Variants in GNLY observed in about 807,000 individuals in gnomAD.
GNLY encodes the protein T-cell activation protein 519.
Under a neutral mutation model 18.5 loss-of-function variants are expected in GNLY, and 15 were observed. The ratio of observed to expected loss-of-function variants is 0.81; its 90% confidence interval spans 0.54 to 1.25. The LOEUF is 1.25. Ranked by LOEUF, GNLY falls within the 50% of genes most tolerant of loss-of-function variation. The pLI is 0.00. For synonymous variants in GNLY, 77 were observed against 74.9 expected (o/e 1.03, Z -0.14); for missense variants, 178 against 186.9 (o/e 0.95, Z 0.28).
intron 2 of GNLY, among the ~76,000 whole-genome samples, chr2:85,695,646 G>A (rs1434780614): frequency 6.6e-6 from 1 of 152,204 alleles, no homozygotes; most frequent in Admixed American, 6.5e-5. Flanking sequence ...ACCCTCCAAG[G>A]AGCCTGGGGC....
chr2:85,694,499 G>C, intron 1 of GNLY, 29 bp downstream of exon 1: 1 of 1,607,220 alleles, frequency 6.2e-7, no homozygotes. Context: ...GATCGATCCT[G>C]ATGGCCCACC....
At chr2:85,694,735 C>G (rs1364282442) in intron 1 of GNLY, 1 of 1,436,854 alleles carries the variant, frequency 7.0e-7, no homozygotes, top group Non-Finnish European at 9.1e-7. Context: ...GGCCTGAGAC[C>G]CCCCTTTCCC....
intron 3 of GNLY, chr2:85,697,181 A>C: frequency 3.6e-6 from 1 of 280,758 alleles, no homozygotes; most frequent in Non-Finnish European, 6.9e-6. Flanking sequence ...CCAGGTAGCT[A>C]CATGGCAGAG....
Position 85,697,629 on chromosome 2 carries a change from A to G in GNLY, c.379A>G (p.Thr127Ala). Residue 127 changes from threonine to alanine, a missense_variant, in exon 4 of 5, where the codon ACT becomes GCT. Thr to Ala is a moderately conservative substitution (Grantham distance 58). Coordinates refer to ENST00000263863, the MANE Select transcript of GNLY (RefSeq NM_006433.5). The stretch of plus-strand genomic sequence containing the variant: ...TACCCAGGGCCTCGTGGCCGGAGAA[A>G]CTGCCCAGCAGATCTGTGAGGACCT... ...RVTQGLVAGE[T>A]AQQICEDLRL... 6.2e-7 allele frequency: 1 copy of G among 1,613,778 alleles called. No homozygotes were observed. Among genetic ancestry groups the G allele is most frequent in the Non-Finnish European group, 8.5e-7 (1 of 1,179,674 alleles).
intron 3 of GNLY, chr2:85,696,301 C>T: frequency 4.4e-6 from 2 of 455,964 alleles, no homozygotes; most frequent in South Asian, 3.1e-5. Flanking sequence ...CATGTATCCT[C>T]AAAGAGGGCT....
Position 85,694,715 on chromosome 2 carries a change from C to T in GNLY, c.52+245C>T, listed in dbSNP as rs567596591. 1.0e-5 allele frequency: 15 copies of T among 1,435,960 alleles called. No homozygotes were observed. In the East Asian group the frequency reaches 3.5e-4, roughly 33 times the overall value. 89.0% of individuals were successfully genotyped at this position (1,435,960 alleles called of 1,614,324 possible). ...GGATTCTGGTCCTAACTCTACTGGC[C>T]ACACTGTGTGGCCTGAGACCCCCCT... On this transcript the variant is annotated intron_variant, in intron 1 of 4. Coordinates refer to ENST00000263863, the MANE Select transcript of GNLY (RefSeq NM_006433.5).
intron 1 of GNLY, 49 bp downstream of exon 1, chr2:85,694,519 A>T (rs759102651): frequency 6.4e-7 from 1 of 1,571,040 alleles, no homozygotes; most frequent in Non-Finnish European, 8.8e-7. Context: ...CCAGCCTCGC[A>T]CTCTCAGGCT....
At chr2:85,695,835 C>A in intron 2 of GNLY, 123 bp from the exon 3 acceptor site, 1 of 655,932 alleles carries the variant, frequency 1.5e-6, no homozygotes, top group Non-Finnish European at 2.7e-6. Context: ...TGTATCCACG[C>A]TCTGGGAAGA....
rs748041553 is a variant in GNLY, at chr2:85,697,566, G to A, written c.316G>A (p.Val106Ile). 1.7e-5 allele frequency: 28 copies of A among 1,613,264 alleles called. No homozygotes were observed. In the Middle Eastern group the frequency reaches 5.2e-4, roughly 30 times the overall value. ...GACGGGGAGGTCACGATGGCGCGAC[G>A]TCTGCAGAAATTTCATGAGGAGGTA... The part of the protein sequence containing the change: ...CRTGRSRWRD[V>I]CRNFMRRYQS... Residue 106 changes from valine (V) to isoleucine (I), a missense_variant, in exon 4 of 5, where the codon GTC becomes ATC. Transcript: ENST00000263863.
At chr2:85,696,281 T>C in intron 3 of GNLY, 1 of 516,036 alleles carries the variant, frequency 1.9e-6, no homozygotes, top group South Asian at 2.6e-5. Context: ...AGAGTATACA[T>C]GGTTTTCATC....
rs1037290812 is a variant in GNLY at position 85,694,439 on chromosome 2, G to A, written c.21G>A (p.Leu7=). 1 of 1,614,000 alleles carries A rather than the reference G, an allele frequency of 6.2e-7. No homozygotes were observed. The highest frequency in any genetic ancestry group is 1.3e-5 in the African/African-American group (1 of 74,960). The change falls in exon 1 of 5, where the codon CTG becomes CTA. Residue 7 remains leucine, a synonymous_variant. Transcript: ENST00000263863. MATWAL[L]LLAAMLLGNP... ...CCACCATGGCTACCTGGGCCCTCCT[G>A]CTCCTTGCAGCCATGCTCCTGGGCA...
intron 3 of GNLY, 108 bp from the exon 4 acceptor site, chr2:85,697,398 C>T (rs1230092655): frequency 2.4e-5 from 23 of 957,528 alleles, no homozygotes; most frequent in Non-Finnish European, 3.5e-5. Context: ...CAGGTGCCAG[C>T]TCCTCGCACC....
At chr2:85,696,145 C>A in intron 3 of GNLY, 89 bp downstream of exon 3, 2 of 702,308 alleles carry the variant, frequency 2.8e-6, no homozygotes, top group South Asian at 3.4e-5. Flanking sequence ...AGCCCGGGGG[C>A]ACCTTGCACA....
At chr2:85,698,500 A>T (rs1678547302) in intron 4 of GNLY, 64 bp from the exon 5 acceptor site, 14 of 1,611,726 alleles carry the variant, frequency 8.7e-6, no homozygotes, top group Non-Finnish European at 1.2e-5. Context: ...TAACATTCTG[A>T]GTGCCTGCTT....
Position 85,697,612 on chromosome 2 carries a change from G to A in GNLY, c.362G>A (p.Gly121Asp), listed in dbSNP as rs201206149. ...AGGTATCAGTCTAGAGTTACCCAGG[G>A]CCTCGTGGCCGGAGAAACTGCCCAG... ...MRRYQSRVTQ[G>D]LVAGETAQQI... The change falls in exon 4 of 5, where the codon GGC becomes GAC. Residue 121 changes from glycine (G) to aspartate (D), a missense_variant. Coordinates refer to ENST00000263863, the MANE Select transcript of GNLY (RefSeq NM_006433.5). The A allele has an allele frequency of 3.1e-6, 5 of 1,613,376 alleles. No individual in the cohort carries two copies. The highest frequency in any genetic ancestry group is 4.2e-6 in the Non-Finnish European group (5 of 1,179,450).
chr2:85,695,918 G>A lies in GNLY; in HGVS notation c.157-40G>A, dbSNP rs1415216349. 4.2e-6 allele frequency: 5 copies of A among 1,188,452 alleles called. No individual in the cohort carries two copies. The East Asian group carries it at 1.2e-4, about 28-fold the overall frequency. 73.6% of individuals were successfully genotyped at this position (1,188,452 alleles called of 1,614,324 possible). ...CTGGGCACTTTCACGCGCTCCCAGA[G>A]TGTCTGAGAGACCATCATAAGGGCT... On this transcript the variant is annotated intron_variant, in intron 2 of 4. Coordinates refer to ENST00000263863, the MANE Select transcript of GNLY (RefSeq NM_006433.5).
chr2:85,694,795 T>C, intron 1 of GNLY: 2 of 1,449,500 alleles, frequency 1.4e-6, no homozygotes, highest in Non-Finnish European at 1.8e-6. Context: ...TTGGCCCTCA[T>C]CGGTGGATCT....
intron 4 of GNLY, 174 bp from the exon 5 acceptor site, chr2:85,698,390 T>C: frequency 1.0e-6 from 1 of 993,488 alleles, no homozygotes; most frequent in Non-Finnish European, 1.6e-6. Context: ...GTGGCTTTTC[T>C]ATTCAAGGCC....
At chr2:85,695,856 A>G in intron 2 of GNLY, 102 bp from the exon 3 acceptor site, 1 of 689,560 alleles carries the variant, frequency 1.5e-6, no homozygotes, top group Non-Finnish European at 2.6e-6. Flanking sequence ...GATCACGGAC[A>G]TTCCTGCCGG....
Sources: allele counts gnomAD v4.1 joint callset (sites outside exome capture counted in the v4.1 genomes callset), GRCh38; gene constraint gnomAD v4.1.1; transcripts MANE v1.5; gene names NCBI Gene and HGNC (gene_info 2026-07-23, HGNC 2026-07-21).